MAGI1: variants seen among roughly 807,000 people sequenced by gnomAD.
MAGI1 encodes the protein membrane-associated guanylate kinase, WW and PDZ domain-containing protein 1.
MAGI1 carries 58 observed loss-of-function variants against 139.9 expected under a neutral mutation model. That is an observed-to-expected ratio of 0.41 (90% CI 0.34 to 0.52). The LOEUF (loss-of-function observed/expected upper bound fraction) is 0.52, where lower values mean the gene tolerates loss of function less well. Among genes scored for constraint, MAGI1 ranks in the 20% least tolerant of loss-of-function variants. The probability of loss-of-function intolerance (pLI) is 0.12; values close to 1 mark genes in which losing one functional copy is unlikely to be tolerated. For synonymous variants in MAGI1, 812 were observed against 737.9 expected, an observed-to-expected ratio of 1.10 and a Z score of -1.63; for missense variants, 1,874 against 1,901.6, an observed-to-expected ratio of 0.99 and a Z score of 0.27.
intron 1 of MAGI1, among the ~76,000 whole-genome samples, chr3:65,892,597 A>G (rs2060815256): frequency 6.6e-6 from 1 of 152,236 alleles, no homozygotes; most frequent in Non-Finnish European, 1.5e-5. Context: ...TAATTATAAC[A>G]GCAGCTAACA....
At chr3:65,565,047 A>G (rs554726607) in intron 2 of MAGI1, among the ~76,000 whole-genome samples, 6 of 152,328 alleles carry the variant, frequency 3.9e-5, no homozygotes, top group African/African-American at 1.4e-4. Flanking sequence ...TTCCAAACCT[A>G]GATAACACGA....
chr3:65,950,106 A>AAAAAAAAAACAAAAAAAAAAAAAC (rs796698272), intron 1 of MAGI1, among the ~76,000 whole-genome samples: 1 of 84,206 alleles, frequency 1.2e-5, no homozygotes, highest in African/African-American at 5.1e-5. Flanking sequence ...AAAAAAAAAA[A>AAAAAAAAAACAAAAAAAAAAAAAC]CAGAACTAGC....
chr3:65,844,606 C>T (rs986107818), intron 1 of MAGI1, among the ~76,000 whole-genome samples: 1 of 152,180 alleles, frequency 6.6e-6, no homozygotes, highest in Non-Finnish European at 1.5e-5. Context: ...CCACACACAT[C>T]ATGATCAACT....
At chr3:66,025,111 T>C (rs2068181158) in intron 1 of MAGI1, among the ~76,000 whole-genome samples, 1 of 152,230 alleles carries the variant, frequency 6.6e-6, no homozygotes, top group Admixed American at 6.5e-5. Flanking sequence ...GTCATCAATA[T>C]GTTATATAAA....
chr3:65,855,138 A>G (rs2108413153), intron 1 of MAGI1, among the ~76,000 whole-genome samples: 1 of 152,220 alleles, frequency 6.6e-6, no homozygotes, highest in South Asian at 2.1e-4. Context: ...TTACAGCCTG[A>G]AGCACTTAGC....
intron 1 of MAGI1, among the ~76,000 whole-genome samples, chr3:65,952,973 TCCCTAATACAA>T (rs761565305): frequency 1.3e-5 from 2 of 152,186 alleles, no homozygotes; most frequent in Non-Finnish European, 2.9e-5. Flanking sequence ...AACTCTGCAA[TCCCTAATACAA>T]CCTATGAGTC....
intron 1 of MAGI1, among the ~76,000 whole-genome samples, chr3:65,682,894 G>A (rs557754824): frequency 2.0e-5 from 3 of 152,236 alleles, no homozygotes; most frequent in Non-Finnish European, 2.9e-5. Flanking sequence ...CCGGTTTCAT[G>A]GAAGATAATT....
intron 1 of MAGI1, among the ~76,000 whole-genome samples, chr3:65,695,558 C>G (rs1204172557): frequency 6.6e-6 from 1 of 152,140 alleles, no homozygotes; most frequent in African/African-American, 2.4e-5. Flanking sequence ...TTTTTCTTCC[C>G]AGGACATATG....
chr3:65,780,146 C>A (rs1459392251), intron 1 of MAGI1, among the ~76,000 whole-genome samples: 10 of 152,070 alleles, frequency 6.6e-5, no homozygotes, highest in African/African-American at 2.4e-4. Context: ...CCTCAGCCTT[C>A]TAAGTAGCTG....
chr3:65,793,823 C>G (rs2039946405), intron 1 of MAGI1, among the ~76,000 whole-genome samples: 1 of 152,182 alleles, frequency 6.6e-6, no homozygotes. Flanking sequence ...TATTGCACAG[C>G]TATATCTCTG....
chr3:65,861,691 G>A (rs1575744782), intron 1 of MAGI1, among the ~76,000 whole-genome samples: 1 of 152,202 alleles, frequency 6.6e-6, no homozygotes, highest in East Asian at 1.9e-4. Context: ...AATGGTGAGT[G>A]GGAGCTTGCA....
At chr3:65,391,465 CA>C in intron 13 of MAGI1, 107 bp from the exon 14 acceptor site, 1 of 826,656 alleles carries the variant, frequency 1.2e-6, no homozygotes, top group Non-Finnish European at 1.9e-6. Flanking sequence ...CATACACATA[CA>C]TATCAACAGT....
At chr3:65,611,083 TA>T (rs1252518710) in intron 2 of MAGI1, among the ~76,000 whole-genome samples, 1 of 137,094 alleles carries the variant, frequency 7.3e-6, no homozygotes, top group Non-Finnish European at 1.5e-5. Context: ...GTATATGTAC[TA>T]TATACATATA....
chr3:65,892,293 A>C (rs1205475034), intron 1 of MAGI1, among the ~76,000 whole-genome samples: 1 of 152,136 alleles, frequency 6.6e-6, no homozygotes, highest in African/African-American at 2.4e-5. Flanking sequence ...CTTCAAGAGG[A>C]AAGGTTGGGA....
intron 1 of MAGI1, among the ~76,000 whole-genome samples, chr3:65,893,276 GA>G (rs34015645): frequency 3.4e-5 from 5 of 146,110 alleles, no homozygotes; most frequent in African/African-American, 1.0e-4. Flanking sequence ...TACAACCTCA[GA>G]AAAAAAAATG....
At chr3:66,002,413 A>G (rs953945299) in intron 1 of MAGI1, among the ~76,000 whole-genome samples, 2 of 152,190 alleles carry the variant, frequency 1.3e-5, no homozygotes, top group African/African-American at 4.8e-5. Context: ...GGTAGGAATT[A>G]GGGACATTTC....
chr3:65,442,953 C>T, intron 7 of MAGI1, 104 bp from the exon 8 acceptor site: 1 of 788,402 alleles, frequency 1.3e-6, no homozygotes, highest in South Asian at 1.6e-5. Flanking sequence ...CATAAAAATG[C>T]TTTAAATCCA....
At position 65,516,091 on chromosome 3, in the gene MAGI1, G is replaced by C. The variant is rs114595315; in HGVS notation, c.431-22460C>G. Among the ~76,000 whole-genome samples, 1,136 of 152,282 alleles carry C rather than the reference G, an allele frequency of 7.5e-3. 13 individuals are homozygous for C. The highest frequency in any genetic ancestry group is 0.026 in the African/African-American group (1,085 of 41,562). ...GCAGTGGCACACACTGATAGTCCCA[G>C]CTACTCAAGAGGCTGAGGGTGAGAG... is the stretch of plus-strand genomic sequence containing the variant. On this transcript the variant is annotated intron_variant, in intron 2 of 22. Transcript: ENST00000402939.
intron 2 of MAGI1, among the ~76,000 whole-genome samples, chr3:65,569,596 G>A (rs969676562): frequency 3.3e-5 from 5 of 152,040 alleles, no homozygotes; most frequent in South Asian, 2.1e-4. Flanking sequence ...TGTTTAAGAC[G>A]GCAGGCACGG....
Sources: allele counts gnomAD v4.1 joint callset (sites outside exome capture counted in the v4.1 genomes callset), GRCh38; gene constraint gnomAD v4.1.1; transcripts MANE v1.5; gene names NCBI Gene and HGNC (gene_info 2026-07-23, HGNC 2026-07-21).